The following SLC18A1 variants were observed in gnomAD, a reference collection of about 807,000 sequenced individuals.
SLC18A1 encodes solute carrier family 18 member A1, also known as chromaffin granule amine transporter.
SLC18A1 carries 69 observed loss-of-function variants against 53.7 expected under a neutral mutation model. The observed-to-expected ratio is 1.28, with a 90% confidence interval of 1.06 to 1.57. The LOEUF is 1.57. Among genes scored for constraint, SLC18A1 ranks in the 40% most tolerant of loss-of-function variants. The pLI, the probability that SLC18A1 is intolerant of heterozygous loss-of-function variation, is 0.00. For missense variants in SLC18A1, 932 were observed against 668.1 expected (o/e 1.40, Z -4.35); for synonymous variants, 320 against 248.1 (o/e 1.29, Z -2.72).
intron 10 of SLC18A1, among the ~76,000 whole-genome samples, chr8:20,152,091 C>A (rs1420102335): frequency 2.0e-5 from 3 of 152,130 alleles, no homozygotes; most frequent in African/African-American, 7.2e-5. Flanking sequence ...GACATTCAAA[C>A]TGAGACCTTA....
Position 20,166,289 on chromosome 8 carries a change from CTA to C in SLC18A1, c.859-1184_859-1183del, listed in dbSNP as rs1181101416. On this transcript the variant is annotated intron_variant, in intron 8 of 15. Transcript: ENST00000276373. ...AAATTGTGTGTGGGTGTGTGTGTGT[CTA>C]TATATATATATATATATATATATAT... 2.7e-3 allele frequency among the ~76,000 whole-genome samples: 292 copies of C among 107,226 alleles called. 2 individuals are homozygous for C. The highest frequency in any genetic ancestry group is 8.0e-3 in the East Asian group (31 of 3,894). 70.3% of individuals were successfully genotyped at this position (107,226 alleles called of 152,430 possible).
chr8:20,150,153 C>G (rs1334311624), intron 11 of SLC18A1, among the ~76,000 whole-genome samples: 1 of 152,172 alleles, frequency 6.6e-6, no homozygotes, highest in African/African-American at 2.4e-5. Context: ...CTCTGATGTC[C>G]TATGGCAGTG....
chr8:20,171,036 C>T (rs2072101585), intron 8 of SLC18A1, 67 bp downstream of exon 8: 2 of 1,476,660 alleles, frequency 1.4e-6, no homozygotes, highest in African/African-American at 1.4e-5. Flanking sequence ...GTTTGGCAGG[C>T]ATGCCTGGGT....
intron 11 of SLC18A1, 77 bp from the exon 12 acceptor site, chr8:20,149,804 A>G (rs535963160): frequency 3.7e-6 from 5 of 1,363,072 alleles, no homozygotes; most frequent in Admixed American, 1.7e-5. Flanking sequence ...CGCCATGCTG[A>G]CCTGTCCCAC....
Position 20,183,110 on chromosome 8 carries a change from G to A in SLC18A1, c.-171C>T, listed in dbSNP as rs1179346374. ...GGCACTCAGTGAGGTATTGGCAGCTGTTAGCAAGACAGCAGGGACACTGTT... is the reference window on the plus strand; with the variant it reads ...GGCACTCAGTGAGGTATTGGCAGCTATTAGCAAGACAGCAGGGACACTGTT... On this transcript the variant is annotated 5_prime_UTR_variant, in exon 1 of 16. Transcript: ENST00000276373. 1 of 152,212 alleles carries A rather than the reference G, an allele frequency of 6.6e-6. No homozygotes were observed. The highest frequency in any genetic ancestry group is 2.1e-4 in the South Asian group (1 of 4,834). 9.4% of individuals were successfully genotyped at this position (152,212 alleles called of 1,614,324 possible).
At chr8:20,171,883 G>C (rs184943011) in intron 6 of SLC18A1, among the ~76,000 whole-genome samples, 3 of 152,214 alleles carry the variant, frequency 2.0e-5, no homozygotes, top group Admixed American at 6.5e-5. Flanking sequence ...GAAGAAGCTT[G>C]TGTGAAGAAC....
intron 5 of SLC18A1, among the ~76,000 whole-genome samples, chr8:20,173,345 T>C (rs2072174517): frequency 6.6e-6 from 1 of 152,234 alleles, no homozygotes; most frequent in African/African-American, 2.4e-5. Flanking sequence ...ATATTGTTGA[T>C]AGTGCAAGCC....
intron 5 of SLC18A1, among the ~76,000 whole-genome samples, chr8:20,173,405 A>G (rs2072176078): frequency 6.6e-6 from 1 of 152,194 alleles, no homozygotes; most frequent in Admixed American, 6.5e-5. Context: ...ACCATGTTTC[A>G]TAACATTTTA....
At chr8:20,148,849 T>C (rs2071472932) in intron 12 of SLC18A1, among the ~76,000 whole-genome samples, 2 of 152,188 alleles carry the variant, frequency 1.3e-5, no homozygotes, top group South Asian at 2.1e-4. Context: ...AGATTCACTA[T>C]GGGCTCACCA....
intron 8 of SLC18A1, among the ~76,000 whole-genome samples, chr8:20,167,679 G>T (rs773809624): frequency 1.3e-5 from 2 of 151,950 alleles, no homozygotes; most frequent in Non-Finnish European, 2.9e-5. Context: ...GGAGTGCAGT[G>T]GCATGATCTT....
At chr8:20,152,339 T>G (rs1225303356) in intron 10 of SLC18A1, among the ~76,000 whole-genome samples, 1 of 152,210 alleles carries the variant, frequency 6.6e-6, no homozygotes, top group Non-Finnish European at 1.5e-5. Context: ...TAAAATCCCC[T>G]AGAAGAATGG....
intron 7 of SLC18A1, 49 bp downstream of exon 7, chr8:20,171,356 C>G (rs1047796615): frequency 6.5e-7 from 1 of 1,531,020 alleles, no homozygotes; most frequent in Non-Finnish European, 9.1e-7. Context: ...TAATGCATTC[C>G]CAACCTGACC....
At chr8:20,155,189 A>T (rs2071652739) in intron 10 of SLC18A1, among the ~76,000 whole-genome samples, 1 of 152,180 alleles carries the variant, frequency 6.6e-6, no homozygotes, top group Non-Finnish European at 1.5e-5. Context: ...CCATCTTGGG[A>T]GCTCTAAGAA....
intron 10 of SLC18A1, among the ~76,000 whole-genome samples, chr8:20,161,797 G>C (rs1282161286): frequency 6.6e-6 from 1 of 152,162 alleles, no homozygotes; most frequent in Non-Finnish European, 1.5e-5. Flanking sequence ...GGGCACACTG[G>C]AGTGGAGTTT....
chr8:20,150,636 C>G (rs376719280), intron 11 of SLC18A1, 30 bp downstream of exon 11: 5 of 1,586,992 alleles, frequency 3.2e-6, no homozygotes, highest in Non-Finnish European at 4.3e-6. Flanking sequence ...TACATTTCTA[C>G]TGTTCGTCCC....
At chr8:20,161,246 C>T (rs1241304258) in intron 10 of SLC18A1, among the ~76,000 whole-genome samples, 3 of 152,166 alleles carry the variant, frequency 2.0e-5, no homozygotes, top group African/African-American at 4.8e-5. Context: ...GGCAAATTCC[C>T]TCCAGCTGTG....
chr8:20,151,043 C>A, intron 10 of SLC18A1: 1 of 329,074 alleles, frequency 3.0e-6, no homozygotes, highest in Non-Finnish European at 5.8e-6. Context: ...ACAATCTCAG[C>A]CCACTGCAGC....
intron 8 of SLC18A1, among the ~76,000 whole-genome samples, chr8:20,169,063 AC>A (rs1342629882): frequency 6.6e-6 from 1 of 152,112 alleles, no homozygotes; most frequent in Admixed American, 6.5e-5. Flanking sequence ...TACACAAGAG[AC>A]CCAGACAACA....
In SLC18A1 at chr8:20,174,238, T is replaced by C. The variant is rs936088906; in HGVS notation, c.631+123A>G. Reference sequence around the variant, plus strand: ...CAATTCCCTTATTTCTGAATCACAATTTCTACCTATCCAGGTGACATTTTC... The same window carrying C: ...CAATTCCCTTATTTCTGAATCACAACTTCTACCTATCCAGGTGACATTTTC... On this transcript the variant is annotated intron_variant, in intron 5 of 15. Transcript: ENST00000276373. 6.5e-6 allele frequency: 5 copies of C among 766,492 alleles called. No homozygotes were observed. The East Asian group carries it at 1.3e-4, about 21-fold the overall frequency. 47.5% of individuals were successfully genotyped at this position (766,492 alleles called of 1,614,324 possible).
Sources: gnomAD v4.1 joint callset for allele counts (sites outside exome capture counted in the v4.1 genomes callset) on GRCh38, gnomAD v4.1.1 for gene constraint, MANE v1.5 for transcripts, NCBI Gene and HGNC (gene_info 2026-07-23, HGNC 2026-07-21) for gene names.